Variants in CACNA1E observed in about 807,000 individuals in gnomAD.
CACNA1E encodes voltage-dependent R-type calcium channel subunit alpha-1E.
In CACNA1E, 40 loss-of-function variants were observed where a neutral mutation model predicts 259.2. That is an observed-to-expected ratio of 0.15 (90% CI 0.12 to 0.20). CACNA1E has a LOEUF of 0.20. Among genes scored for constraint, CACNA1E ranks in the 10% least tolerant of loss-of-function variants. CACNA1E has a pLI of 1.00. For synonymous variants in CACNA1E, 1,104 were observed against 1,138.5 expected (o/e 0.97, Z 0.61); for missense variants, 1,874 against 3,040.1 (o/e 0.62, Z 9.02).
At chr1:181,621,067 C>T (rs1655679348) in intron 6 of CACNA1E, among the ~76,000 whole-genome samples, 1 of 152,222 alleles carries the variant, frequency 6.6e-6, no homozygotes, top group Non-Finnish European at 1.5e-5. Flanking sequence ...AAATATCCAT[C>T]TACTTATTTA....
chr1:181,674,012 A>AT (rs1315403148), intron 7 of CACNA1E, among the ~76,000 whole-genome samples: 2 of 152,070 alleles, frequency 1.3e-5, no homozygotes, highest in African/African-American at 2.4e-5. Flanking sequence ...AATTTAGGCA[A>AT]TACAAGAGTC....
At chr1:181,456,989 C>G (rs1661502613) in intron 2 of CACNA1E, among the ~76,000 whole-genome samples, 1 of 152,200 alleles carries the variant, frequency 6.6e-6, no homozygotes, top group African/African-American at 2.4e-5. Context: ...GTCAAGGGGT[C>G]TTGTGCTCAC....
chr1:181,737,800 G>A, intron 23 of CACNA1E, 146 bp downstream of exon 23: 1 of 1,119,518 alleles, frequency 8.9e-7, no homozygotes, highest in Non-Finnish European at 1.3e-6. Context: ...TCAGGGCGAA[G>A]TATGAACCAT....
At chr1:181,629,853 G>T (rs12065821) in intron 6 of CACNA1E, among the ~76,000 whole-genome samples, 29,007 of 152,150 alleles carry the variant, frequency 0.19, 3,094 homozygotes, top group South Asian at 0.35. Flanking sequence ...TGGCTAACAT[G>T]AGTAGGAAGA....
chr1:181,344,798 G>T (rs752937177), intron 1 of CACNA1E, among the ~76,000 whole-genome samples: 2 of 152,186 alleles, frequency 1.3e-5, no homozygotes, highest in Admixed American at 1.3e-4. Context: ...GCTGGCCATC[G>T]GCCTGGGAAC....
At chr1:181,602,247 C>T (rs1653815108) in intron 6 of CACNA1E, among the ~76,000 whole-genome samples, 3 of 152,202 alleles carry the variant, frequency 2.0e-5, no homozygotes, top group Admixed American at 2.0e-4. Context: ...TTTTGTCTCA[C>T]ACACTGCTGC....
chr1:181,327,757 C>A (rs899284162), intron 1 of CACNA1E, among the ~76,000 whole-genome samples: 4 of 152,254 alleles, frequency 2.6e-5, no homozygotes, highest in African/African-American at 9.6e-5. Context: ...CTTTGAATAT[C>A]ATCTTTATGC....
chr1:181,473,272 A>G (rs762777597), intron 2 of CACNA1E, among the ~76,000 whole-genome samples: 9 of 152,328 alleles, frequency 5.9e-5, no homozygotes, highest in Non-Finnish European at 1.0e-4. Flanking sequence ...CAGGGAGCTC[A>G]GGGTTGGGAC....
At chr1:181,580,533 T>C in intron 5 of CACNA1E, 62 bp from the exon 6 acceptor site, 1 of 1,514,622 alleles carries the variant, frequency 6.6e-7, no homozygotes, top group Admixed American at 1.7e-5. Context: ...CTTCCTGGGG[T>C]CATTTCCAGC....
intron 2 of CACNA1E, among the ~76,000 whole-genome samples, chr1:181,424,207 G>C (rs1239300718): frequency 6.6e-6 from 1 of 152,226 alleles, no homozygotes; most frequent in Non-Finnish European, 1.5e-5. Context: ...CACATGCCCT[G>C]CTTTCTTGGA....
chr1:181,796,540 A>T, intron 46 of CACNA1E, 128 bp from the exon 47 acceptor site: 1 of 590,974 alleles, frequency 1.7e-6, no homozygotes. Context: ...TTGGGGGGGG[A>T]CACAAACATG....
intron 47 of CACNA1E, 77 bp downstream of exon 47, chr1:181,796,935 G>C: frequency 1.8e-6 from 2 of 1,114,264 alleles, no homozygotes; most frequent in Non-Finnish European, 2.5e-6. Context: ...CAAGTCGTGA[G>C]CATTTCGCAA....
chr1:181,717,602 C>T (rs1426126366), intron 11 of CACNA1E, among the ~76,000 whole-genome samples: 2 of 152,100 alleles, frequency 1.3e-5, no homozygotes, highest in African/African-American at 4.8e-5. Flanking sequence ...GAGTTTTGAT[C>T]ATTGAAATCC....
chr1:181,731,178 A>G lies in CACNA1E; in HGVS notation c.2244A>G (p.Arg748=). The G allele has an allele frequency of 1.9e-6, 3 of 1,613,514 alleles. No homozygotes were observed. The highest frequency in any genetic ancestry group is 2.5e-6 in the Non-Finnish European group (3 of 1,179,466). The change falls in exon 19 of 48, where the codon AGA becomes AGG. Residue 748 remains arginine (R), a synonymous_variant. Coordinates refer to ENST00000367573, the MANE Select transcript of CACNA1E (RefSeq NM_001205293.3). ...MSAPNMPSIE[R]DRRRRHHMSM... ...CCTGTCCATTTTTCTTCCCCAGAAG[A>G]GACAGAAGGAGAAGACACCACATGT...
chr1:181,547,361 A>G (rs1647603697), intron 3 of CACNA1E, among the ~76,000 whole-genome samples: 1 of 152,114 alleles, frequency 6.6e-6, no homozygotes, highest in African/African-American at 2.4e-5. Context: ...ACCCCTGTTC[A>G]TGATCTGCCC....
chr1:181,709,505 G>A (rs1014987291), intron 7 of CACNA1E, among the ~76,000 whole-genome samples: 3 of 152,178 alleles, frequency 2.0e-5, no homozygotes, highest in African/African-American at 7.2e-5. Flanking sequence ...GTAGACTGGC[G>A]TCTTCCCTTT....
chr1:181,437,536 C>G (rs1660175759), intron 2 of CACNA1E, among the ~76,000 whole-genome samples: 2 of 152,198 alleles, frequency 1.3e-5, no homozygotes, highest in South Asian at 4.1e-4. Flanking sequence ...AAAAACTGCT[C>G]TTGTTCAGGT....
chr1:181,799,990 G>A lies in CACNA1E; in HGVS notation c.*1156G>A, dbSNP rs1662157637. 1 of 152,494 alleles carries A rather than the reference G, an allele frequency of 6.6e-6. No homozygotes were observed. The highest frequency in any genetic ancestry group is 2.4e-5 in the African/African-American group (1 of 41,474). 9.4% of individuals were successfully genotyped at this position (152,494 alleles called of 1,614,324 possible). Reference sequence around the variant, plus strand: ...CCAGCCTTCCCTGCCACTCCTCTGAGAGGGCAGAACACACATATCCAAGTA... The same window carrying A: ...CCAGCCTTCCCTGCCACTCCTCTGAAAGGGCAGAACACACATATCCAAGTA... On this transcript the variant is annotated 3_prime_UTR_variant, in exon 48 of 48. Coordinates refer to ENST00000367573, the MANE Select transcript of CACNA1E (RefSeq NM_001205293.3).
At chr1:181,392,239 T>C (rs1230177453) in intron 1 of CACNA1E, among the ~76,000 whole-genome samples, 2 of 152,184 alleles carry the variant, frequency 1.3e-5, no homozygotes, top group East Asian at 3.8e-4. Flanking sequence ...ATATTTTTCC[T>C]GACGCTCAAC....
Sources: gnomAD v4.1 joint callset for allele counts (sites outside exome capture counted in the v4.1 genomes callset) on GRCh38, gnomAD v4.1.1 for gene constraint, MANE v1.5 for transcripts, NCBI Gene and HGNC (gene_info 2026-07-23, HGNC 2026-07-21) for gene names.